Variants in FANCD2 observed in about 807,000 individuals in gnomAD.
The protein encoded by FANCD2 is FA complementation group D2, also known as Fanconi anemia group D2 protein.
Under a neutral mutation model 192.3 loss-of-function variants are expected in FANCD2, and 131 were observed. The ratio of observed to expected loss-of-function variants is 0.68; its 90% CI spans 0.59 to 0.79. The LOEUF is 0.79. FANCD2 is among the 30% of genes least tolerant of loss of function. The pLI is 0.00. For synonymous variants in FANCD2, 524 were observed against 612.5 expected (o/e 0.86, Z 2.13); for missense variants, 1,508 against 1,701.6 (o/e 0.89, Z 2.00).
At chr3:10,089,002 G>T (rs767897539) in intron 36 of FANCD2, 52 bp downstream of exon 36, 3 of 1,604,446 alleles carry the variant, frequency 1.9e-6, no homozygotes, top group Non-Finnish European at 1.7e-6. Flanking sequence ...TCATCATCAG[G>T]CTGGGCACGG....
chr3:10,096,661 C>T (rs1252622150), intron 42 of FANCD2, among the ~76,000 whole-genome samples, 189 bp downstream of exon 42: 1 of 152,162 alleles, frequency 6.6e-6, no homozygotes, highest in Non-Finnish European at 1.5e-5. Flanking sequence ...CTGCACCCCT[C>T]ATCTTAGGCA....
At chr3:10,090,146 C>A in intron 36 of FANCD2, 146 bp from the exon 37 acceptor site, 2 of 661,294 alleles carry the variant, frequency 3.0e-6, no homozygotes, top group Non-Finnish European at 5.6e-6. Context: ...TGAGTCCTTT[C>A]CGCTCCCCCA....
rs764105093 is a variant in FANCD2, at chr3:10,085,878, A to C, written c.3291A>C (p.Arg1097=). ...LYSALHVLSS[R]LKQGEHSQPL... is the part of the protein sequence containing the mutation. ...CAGCCCTCCATGTCCTTAGTAGCCG[A>C]CTGAAACAGGGAGAACACAGCCAGC... The change falls in exon 33 of 44, where the codon CGA becomes CGC. Residue 1097 remains arginine, a synonymous_variant. Coordinates refer to ENST00000675286, the MANE Select transcript of FANCD2 (RefSeq NM_001018115.3). 1.2e-6 allele frequency: 2 copies of C among 1,613,850 alleles called. No homozygotes were observed. The highest frequency in any genetic ancestry group is 1.7e-5 in the Admixed American group (1 of 60,010).
intron 26 of FANCD2, among the ~76,000 whole-genome samples, chr3:10,069,902 A>G (rs1283363377): frequency 6.6e-6 from 1 of 151,666 alleles, no homozygotes; most frequent in Non-Finnish European, 1.5e-5. Context: ...GGAAGTGAGG[A>G]GCGTCTCTGC....
At chr3:10,043,253 A>C in intron 12 of FANCD2, 103 bp downstream of exon 12, 4 of 883,004 alleles carry the variant, frequency 4.5e-6, no homozygotes, top group Non-Finnish European at 7.5e-6. Context: ...TATGACATTT[A>C]CATCTAGTAT....
At chr3:10,062,389 C>T (rs1189549257) in intron 20 of FANCD2, among the ~76,000 whole-genome samples, 178 bp downstream of exon 20, 5 of 151,958 alleles carry the variant, frequency 3.3e-5, no homozygotes, top group Non-Finnish European at 5.9e-5. Flanking sequence ...TACAGGCACG[C>T]ACCACCACAC....
intron 43 of FANCD2, 109 bp from the exon 44 acceptor site, chr3:10,101,079 A>T: frequency 6.5e-6 from 5 of 775,150 alleles, no homozygotes; most frequent in Non-Finnish European, 1.1e-5. Flanking sequence ...AAAAAAAAAA[A>T]GTTTTAACAG....
At position 10,036,346 on chromosome 3, in the gene FANCD2, G is replaced by A. The variant is rs1485855914; in HGVS notation, c.491+7G>A. 6.2e-7 allele frequency: 1 copy of A among 1,607,168 alleles called. No individual in the cohort carries two copies. Among genetic ancestry groups the A allele is most frequent in the Non-Finnish European group, 8.5e-7 (1 of 1,174,180 alleles). On this transcript the variant is annotated splice_region_variant and intron_variant, in intron 7 of 43. Coordinates refer to ENST00000675286, the MANE Select transcript of FANCD2 (RefSeq NM_001018115.3). ...CAGAATATTTTTTTGAAAAGTAAGT[G>A]GCGTTATTATGGAATGTTCAAAGTA...
intron 18 of FANCD2, among the ~76,000 whole-genome samples, chr3:10,054,312 T>C (rs1260443787): frequency 6.8e-6 from 1 of 146,564 alleles, no homozygotes; most frequent in East Asian, 2.0e-4. Context: ...TAATTCATAC[T>C]GGACTGTGAC....
chr3:10,071,590 C>T (rs1434100672), intron 26 of FANCD2, among the ~76,000 whole-genome samples: 2 of 152,106 alleles, frequency 1.3e-5, no homozygotes, highest in Non-Finnish European at 2.9e-5. Flanking sequence ...CCAGGCACAA[C>T]ATATTTTCAC....
intron 26 of FANCD2, among the ~76,000 whole-genome samples, chr3:10,069,462 T>TCTGCCC (rs2087810513): frequency 8.2e-6 from 1 of 121,548 alleles, no homozygotes; most frequent in Non-Finnish European, 1.6e-5. Context: ...TTAAGATGCC[T>TCTGCCC]CTCCCCCTCC....
chr3:10,031,787 G>A (rs929985036), intron 2 of FANCD2, among the ~76,000 whole-genome samples: 4 of 152,188 alleles, frequency 2.6e-5, no homozygotes, highest in African/African-American at 4.8e-5. Flanking sequence ...TAAAAAATTC[G>A]GATTCCTAGG....
chr3:10,070,688 G>C (rs1212650100), intron 26 of FANCD2, among the ~76,000 whole-genome samples: 4 of 143,492 alleles, frequency 2.8e-5, no homozygotes, highest in Non-Finnish European at 4.6e-5. Flanking sequence ...GAATAGAAAG[G>C]GGGGAAAGGT....
intron 29 of FANCD2, among the ~76,000 whole-genome samples, chr3:10,076,020 T>C (rs552950288): frequency 2.3e-4 from 35 of 151,068 alleles, no homozygotes; most frequent in African/African-American, 6.6e-4. Context: ...TGTGAGCCAC[T>C]GCGCCCAGCC....
rs367949626 is a variant in FANCD2 at position 10,095,968 on chromosome 3, G to A, written c.4039-358G>A. ...ACAATCTCTGCTCACTGCAAGTTCC[G>A]CCTCCCGGCTGGACAGTGAATGTTT... On this transcript the variant is annotated intron_variant, in intron 41 of 43. Coordinates refer to ENST00000675286, the MANE Select transcript of FANCD2 (RefSeq NM_001018115.3). 8.1e-5 allele frequency among the ~76,000 whole-genome samples: 12 copies of A among 147,390 alleles called. No homozygotes were observed. In the South Asian group the frequency reaches 1.1e-3, roughly 13 times the overall value.
intron 43 of FANCD2, chr3:10,099,269 A>G (rs1165181732): frequency 7.8e-7 from 1 of 1,280,550 alleles, no homozygotes; most frequent in South Asian, 1.7e-5. Flanking sequence ...AAATAAAAAT[A>G]GAAGTTCTTA....
intron 18 of FANCD2, among the ~76,000 whole-genome samples, chr3:10,054,923 C>T (rs191828910): frequency 2.2e-3 from 335 of 151,490 alleles, no homozygotes; most frequent in African/African-American, 7.8e-3. Context: ...GAAGAGTATT[C>T]AGTGAAAAAT....
chr3:10,028,770 G>T (rs751263095), intron 2 of FANCD2, 49 bp downstream of exon 2: 1 of 1,460,240 alleles, frequency 6.8e-7, no homozygotes, highest in Non-Finnish European at 9.6e-7. Context: ...AATGTGTGAG[G>T]CATGTGAGAG....
chr3:10,082,239 T>C (rs35585404), intron 32 of FANCD2, among the ~76,000 whole-genome samples: 4,622 of 152,208 alleles, frequency 0.03, 239 homozygotes, highest in African/African-American at 0.11. Flanking sequence ...CCACCGTCTT[T>C]TTCCCACATC....
Sources: gnomAD v4.1 joint callset for allele counts (sites outside exome capture counted in the v4.1 genomes callset) on GRCh38, gnomAD v4.1.1 for gene constraint, MANE v1.5 for transcripts, NCBI Gene and HGNC (gene_info 2026-07-23, HGNC 2026-07-21) for gene names.